Variants in MAP4K4 observed in about 807,000 individuals in gnomAD.
The protein encoded by MAP4K4 is mitogen-activated protein kinase kinase kinase kinase 4, also known as HPK/GCK-like kinase HGK.
In MAP4K4, 38 loss-of-function variants were observed where a neutral mutation model predicts 189.6. The ratio of observed to expected loss-of-function variants is 0.20; its 90% CI spans 0.15 to 0.26. The LOEUF is 0.26. Among genes scored for constraint, MAP4K4 ranks in the 10% least tolerant of loss-of-function variants. The pLI is 1.00. For synonymous variants in MAP4K4, 610 were observed against 624.3 expected (o/e 0.98, Z 0.34); for missense variants, 1,054 against 1,726.9 (o/e 0.61, Z 6.91).
chr2:101,699,707 C>T (rs1327419586), intron 2 of MAP4K4, among the ~76,000 whole-genome samples: 1 of 152,140 alleles, frequency 6.6e-6, no homozygotes, highest in Non-Finnish European at 1.5e-5. Flanking sequence ...ATCACTTGAA[C>T]GCCTCTCCTT....
chr2:101,785,088 TTGA>T (rs770861878), intron 2 of MAP4K4, among the ~76,000 whole-genome samples: 1 of 152,052 alleles, frequency 6.6e-6, no homozygotes, highest in Non-Finnish European at 1.5e-5. Context: ...CTTGCTGGAG[TTGA>T]TGCTGTGTGT....
At chr2:101,878,107 A>C (rs1248087367) in intron 27 of MAP4K4, among the ~76,000 whole-genome samples, 1 of 152,234 alleles carries the variant, frequency 6.6e-6, no homozygotes, top group Admixed American at 6.5e-5. Context: ...AATATAAACT[A>C]GTACAGGAAA....
chr2:101,764,068 CTG>C (rs1424636554), intron 2 of MAP4K4, among the ~76,000 whole-genome samples: 1 of 151,808 alleles, frequency 6.6e-6, no homozygotes, highest in Non-Finnish European at 1.5e-5. Context: ...ACAGGGAAGT[CTG>C]TGGGTTTGGT....
intron 2 of MAP4K4, among the ~76,000 whole-genome samples, chr2:101,750,596 A>C (rs559984188): frequency 3.2e-4 from 48 of 151,618 alleles, no homozygotes; most frequent in African/African-American, 1.1e-3. Context: ...ACCAACATGG[A>C]ACATGTATAC....
chr2:101,788,811 A>G (rs1410569140), intron 2 of MAP4K4, among the ~76,000 whole-genome samples: 1 of 152,142 alleles, frequency 6.6e-6, no homozygotes, highest in Non-Finnish European at 1.5e-5. Context: ...TCAGGCATAG[A>G]GGGAAGCATA....
In MAP4K4 at chr2:101,750,246, A is replaced by T. The variant is rs375047373; in HGVS notation, c.124-40474A>T. 3.5e-5 allele frequency among the ~76,000 whole-genome samples: 5 copies of T among 142,462 alleles called. No individual in the cohort carries two copies. In the East Asian group the frequency reaches 8.2e-4, roughly 23 times the overall value. The allele number at this position is 142,462 out of a possible 152,430, so 93.5% of individuals were successfully genotyped here. A position where few individuals can be genotyped will look rare whatever the true frequency, so the allele number is the denominator to read the frequency against. ...TGCGGCATTATTCACAATAGCAAAG[A>T]CTTGGAACCAACCCAAATGTCCAAC... is the stretch of plus-strand genomic sequence containing the variant. On this transcript the variant is annotated intron_variant, in intron 2 of 32. Coordinates refer to ENST00000324219, the Ensembl canonical transcript of MAP4K4.
At chr2:101,700,921 A>G (rs115769102) in intron 2 of MAP4K4, among the ~76,000 whole-genome samples, 41 of 152,130 alleles carry the variant, frequency 2.7e-4, no homozygotes, top group African/African-American at 8.2e-4. Flanking sequence ...ACCATTTACA[A>G]TTATGTGTAG....
At chr2:101,775,581 TGTGCAGGCCCTGGGCTAGTGCTGG>T (rs1168653557) in intron 2 of MAP4K4, among the ~76,000 whole-genome samples, 1 of 152,158 alleles carries the variant, frequency 6.6e-6, no homozygotes, top group Non-Finnish European at 1.5e-5. Flanking sequence ...GGGCCTGCTG[TGTGCAGGCCCTGGGCTAGTGCTGG>T]GGGTGAGAAC....
chr2:101,754,666 A>G (rs557968061), intron 2 of MAP4K4, among the ~76,000 whole-genome samples: 2 of 152,288 alleles, frequency 1.3e-5, no homozygotes, highest in South Asian at 2.1e-4. Context: ...GTTGGAAGGC[A>G]TTGTTGATGT....
At chr2:101,736,697 T>G (rs1321061319) in intron 2 of MAP4K4, among the ~76,000 whole-genome samples, 1 of 152,238 alleles carries the variant, frequency 6.6e-6, no homozygotes, top group East Asian at 1.9e-4. Flanking sequence ...GTGTGCCCTT[T>G]AGGACCCTGT....
chr2:101,747,591 A>C (rs1437335574), intron 2 of MAP4K4, among the ~76,000 whole-genome samples: 1 of 152,236 alleles, frequency 6.6e-6, no homozygotes, highest in Non-Finnish European at 1.5e-5. Flanking sequence ...TCTGCACTGC[A>C]AGTGACCACA....
chr2:101,773,124 C>A (rs1459773224), intron 2 of MAP4K4, among the ~76,000 whole-genome samples: 1 of 152,124 alleles, frequency 6.6e-6, no homozygotes, highest in East Asian at 1.9e-4. Flanking sequence ...CCTAATGGAC[C>A]CCAGCACTTC....
rs770060264 is a variant in MAP4K4 at position 101,874,071 on chromosome 2, TTG to T, written c.3071-7_3071-6del. 6.2e-7 allele frequency: 1 copy of T among 1,610,594 alleles called. No individual in the cohort carries two copies. Among genetic ancestry groups the T allele is most frequent in the Non-Finnish European group, 8.5e-7 (1 of 1,178,038 alleles). Reference sequence around the variant, plus strand: ...TGTACAGAAAATAATTTCAAATATATTGTGTTTCAGTGGGATTTTCCTGTGAT... The same window carrying T: ...TGTACAGAAAATAATTTCAAATATATTGTTTCAGTGGGATTTTCCTGTGAT... On this transcript the variant is annotated splice_polypyrimidine_tract_variant and intron_variant, in intron 25 of 32. Coordinates refer to ENST00000324219, the Ensembl canonical transcript of MAP4K4.
chr2:101,884,242 A>G (rs947960158), intron 28 of MAP4K4, among the ~76,000 whole-genome samples: 3 of 152,214 alleles, frequency 2.0e-5, no homozygotes, highest in African/African-American at 7.2e-5. Flanking sequence ...AAAATTAAGG[A>G]AACCTTAAAA....
At chr2:101,874,680 C>T (rs2098146572) in intron 26 of MAP4K4, among the ~76,000 whole-genome samples, 2 of 152,134 alleles carry the variant, frequency 1.3e-5, no homozygotes, top group South Asian at 4.1e-4. Flanking sequence ...TTTATAAAAA[C>T]TTACTGCAAC....
At chr2:101,735,833 C>G (rs1172585378) in intron 2 of MAP4K4, among the ~76,000 whole-genome samples, 1 of 152,174 alleles carries the variant, frequency 6.6e-6, no homozygotes, top group Non-Finnish European at 1.5e-5. Context: ...TAAATGAGTT[C>G]TGGCTGACAG....
chr2:101,754,341 GTTTTTTTTT>G (rs59198391), intron 2 of MAP4K4, among the ~76,000 whole-genome samples: 1 of 85,832 alleles, frequency 1.2e-5, no homozygotes, highest in Non-Finnish European at 2.2e-5. Flanking sequence ...CTTTTTTGCT[GTTTTTTTTT>G]TTTTTTTTTT....
At chr2:101,878,394 T>G (rs11888979) in intron 27 of MAP4K4, among the ~76,000 whole-genome samples, 10,327 of 152,268 alleles carry the variant, frequency 0.068, 465 homozygotes, top group African/African-American at 0.13. Flanking sequence ...GCAACCTCTT[T>G]CCTGAAGTTA....
At chr2:101,737,443 ATATATATATATATATATATTTTTTT>A (rs1464430251) in intron 2 of MAP4K4, among the ~76,000 whole-genome samples, 14 of 34,380 alleles carry the variant, frequency 4.1e-4, no homozygotes, top group African/African-American at 2.1e-3. Flanking sequence ...ATATATATAT[ATATATATATATATATATATTTTTTT>A]TTTTTTTTTT....
Sources: gnomAD v4.1 joint callset for allele counts (sites outside exome capture counted in the v4.1 genomes callset) on GRCh38, gnomAD v4.1.1 for gene constraint, MANE v1.5 for transcripts, NCBI Gene and HGNC (gene_info 2026-07-23, HGNC 2026-07-21) for gene names.